The following AUTS2 variants were observed in gnomAD, a reference collection of about 807,000 sequenced individuals.
AUTS2 encodes activator of transcription and developmental regulator AUTS2.
Under a neutral mutation model 112.4 loss-of-function variants are expected in AUTS2, and 17 were observed. The observed-to-expected ratio is 0.15, with a 90% confidence interval of 0.10 to 0.23. AUTS2 has a LOEUF of 0.23. Ranked by LOEUF, AUTS2 falls within the 10% of genes least tolerant of loss-of-function variation. The pLI, the probability that AUTS2 is intolerant of heterozygous loss-of-function variation, is 1.00. For synonymous variants in AUTS2, 751 were observed against 702.7 expected (o/e 1.07, Z -1.09); for missense variants, 1,510 against 1,701.6 (o/e 0.89, Z 1.98).
intron 1 of AUTS2, among the ~76,000 whole-genome samples, chr7:69,668,521 C>T (rs1796172991): frequency 6.6e-6 from 1 of 152,294 alleles, no homozygotes; most frequent in African/African-American, 2.4e-5. Context: ...TACATTTTAG[C>T]ACGTGGTGAT....
intron 1 of AUTS2, among the ~76,000 whole-genome samples, chr7:69,801,907 G>A (rs935034644): frequency 9.9e-5 from 15 of 152,130 alleles, no homozygotes; most frequent in African/African-American, 3.6e-4. Flanking sequence ...GTGCTGTTGT[G>A]GTGGTGGGGC....
At chr7:69,803,359 G>A (rs1376456235) in intron 1 of AUTS2, among the ~76,000 whole-genome samples, 1 of 152,114 alleles carries the variant, frequency 6.6e-6, no homozygotes, top group African/African-American at 2.4e-5. Flanking sequence ...GCCAGTGGGG[G>A]CCATCTAGAA....
At position 69,979,800 on chromosome 7, in the gene AUTS2, C is replaced by T. The variant is rs574175384; in HGVS notation, c.522+80302C>T. Among the ~76,000 whole-genome samples, 7 of 152,334 alleles carry T rather than the reference C, an allele frequency of 4.6e-5. No individual in the cohort carries two copies. In the South Asian group the frequency reaches 1.5e-3, roughly 32 times the overall value. On this transcript the variant is annotated intron_variant, in intron 2 of 18. Coordinates refer to ENST00000342771, the MANE Select transcript of AUTS2 (RefSeq NM_015570.4). ...TCTTGTTGAAAGGCTGCCTGCTATA[C>T]AGATGCAGCAGCAGAGAGAGAAAAG...
intron 5 of AUTS2, among the ~76,000 whole-genome samples, chr7:70,466,186 T>TGAA (rs1369286049): frequency 1.3e-5 from 2 of 152,104 alleles, no homozygotes; most frequent in Non-Finnish European, 2.9e-5. Context: ...TCCTTCATGT[T>TGAA]GAAGAAGAAG....
At chr7:70,362,292 C>G (rs1222902804) in intron 4 of AUTS2, among the ~76,000 whole-genome samples, 1 of 152,138 alleles carries the variant, frequency 6.6e-6, no homozygotes, top group Non-Finnish European at 1.5e-5. Context: ...CCTGTCTTCC[C>G]TCCCTTGTCT....
rs58190258 is a variant in AUTS2 at position 69,931,112 on chromosome 7, TACACACACACACACACAC to T, written c.522+31633_522+31650del. Among the ~76,000 whole-genome samples the T allele has an allele frequency of 2.3e-4, 35 of 148,994 alleles. No individual in the cohort carries two copies. In the East Asian group the frequency reaches 3.6e-3, roughly 15 times the overall value. ...GAATGCTCGTACTGCATTTTGGATT[TACACACACACACACACAC>T]ACACACACACACACACACTACTTTT... On this transcript the variant is annotated intron_variant, in intron 2 of 18. Transcript: ENST00000342771.
Position 70,784,771 on chromosome 7 carries a change from AAAC to A in AUTS2, c.2147-169_2147-167del, listed in dbSNP as rs1419378554. ...AAAAAAAAAAAAAAAAAAAAAAAAA[AAAC>A]ACACATTTTCTTTTACCCTGTGTCT... On this transcript the variant is annotated intron_variant, in intron 15 of 18. Coordinates refer to ENST00000342771, the MANE Select transcript of AUTS2 (RefSeq NM_015570.4). 1.1e-3 allele frequency: 166 copies of A among 154,334 alleles called. 3 individuals carry two copies. Among genetic ancestry groups the A allele is most frequent in the South Asian group, 7.1e-3 (49 of 6,856 alleles). The allele number at this position is 154,334 out of a possible 1,614,324, so 9.6% of individuals were successfully genotyped here. A position where few individuals can be genotyped will look rare whatever the true frequency, so the allele number is the denominator to read the frequency against.
At chr7:69,964,638 A>G (rs1797563595) in intron 2 of AUTS2, among the ~76,000 whole-genome samples, 2 of 151,494 alleles carry the variant, frequency 1.3e-5, no homozygotes, top group Admixed American at 1.3e-4. Flanking sequence ...CCCAGATTCT[A>G]GCTTTTTGGA....
At chr7:70,598,801 A>G (rs1658811298) in intron 5 of AUTS2, among the ~76,000 whole-genome samples, 1 of 152,204 alleles carries the variant, frequency 6.6e-6, no homozygotes, top group Non-Finnish European at 1.5e-5. Context: ...TGCTGAGAAT[A>G]TGAGTCTGTA....
chr7:69,901,219 G>T (rs1205438611), intron 2 of AUTS2, among the ~76,000 whole-genome samples: 2 of 152,148 alleles, frequency 1.3e-5, no homozygotes, highest in African/African-American at 4.8e-5. Flanking sequence ...GCCTCTGTGT[G>T]AGATATGTGA....
chr7:69,736,284 T>C (rs553371054), intron 1 of AUTS2, among the ~76,000 whole-genome samples: 1 of 152,274 alleles, frequency 6.6e-6, no homozygotes, highest in Admixed American at 6.5e-5. Flanking sequence ...GCTAAGGATA[T>C]TGTGGTAAAC....
chr7:70,629,709 G>C (rs943073884), intron 5 of AUTS2, among the ~76,000 whole-genome samples: 1 of 151,766 alleles, frequency 6.6e-6, no homozygotes, highest in African/African-American at 2.4e-5. Flanking sequence ...ATCATCATCA[G>C]CCTCGCTGTC....
At chr7:70,465,160 A>C (rs913525816) in intron 5 of AUTS2, among the ~76,000 whole-genome samples, 3 of 152,186 alleles carry the variant, frequency 2.0e-5, no homozygotes, top group African/African-American at 7.2e-5. Flanking sequence ...GAGGAAAAAC[A>C]CCAGAAGGAC....
intron 1 of AUTS2, among the ~76,000 whole-genome samples, chr7:69,626,134 G>A (rs1046154385): frequency 1.3e-5 from 2 of 152,142 alleles, no homozygotes; most frequent in Non-Finnish European, 2.9e-5. Context: ...CCTTGTAGCT[G>A]CATGGATGGC....
intron 4 of AUTS2, among the ~76,000 whole-genome samples, chr7:70,313,907 C>G (rs1789874621): frequency 6.6e-6 from 1 of 152,194 alleles, no homozygotes; most frequent in African/African-American, 2.4e-5. Context: ...GGGTAACGCT[C>G]TCATAAAGAA....
chr7:69,699,896 C>T (rs922019639), intron 1 of AUTS2, among the ~76,000 whole-genome samples: 4 of 152,128 alleles, frequency 2.6e-5, no homozygotes, highest in Non-Finnish European at 5.9e-5. Context: ...CTGCCCGCCT[C>T]GGCCTCCCAA....
chr7:70,148,999 C>G (rs1202169482), intron 4 of AUTS2, among the ~76,000 whole-genome samples: 2 of 152,022 alleles, frequency 1.3e-5, no homozygotes, highest in Non-Finnish European at 2.9e-5. Flanking sequence ...ATAAAATTCA[C>G]TTTCCATGTT....
intron 2 of AUTS2, among the ~76,000 whole-genome samples, chr7:69,948,807 T>C (rs567814040): frequency 1.4e-5 from 2 of 148,110 alleles, no homozygotes; most frequent in Non-Finnish European, 3.0e-5. Flanking sequence ...TATTTATTTA[T>C]TTATTTATTT....
At chr7:69,712,189 T>C (rs1379224066) in intron 1 of AUTS2, among the ~76,000 whole-genome samples, 1 of 152,200 alleles carries the variant, frequency 6.6e-6, no homozygotes, top group Non-Finnish European at 1.5e-5. Flanking sequence ...ACATGGTGCC[T>C]TTTTCACTTT....
Sources: gnomAD v4.1 joint callset for allele counts (sites outside exome capture counted in the v4.1 genomes callset) on GRCh38, gnomAD v4.1.1 for gene constraint, MANE v1.5 for transcripts, NCBI Gene and HGNC (gene_info 2026-07-23, HGNC 2026-07-21) for gene names.